Variants in TH observed in about 807,000 individuals in gnomAD.
TH encodes the protein tyrosine hydroxylase.
TH carries 49 observed loss-of-function variants against 57.4 expected under a neutral mutation model. The ratio of observed to expected loss-of-function variants is 0.85; its 90% CI spans 0.68 to 1.08. The LOEUF is 1.08. Among genes scored for constraint, TH ranks in the 50% least tolerant of loss-of-function variants. TH has a pLI of 0.00. For synonymous variants in TH, 330 were observed against 304.5 expected (o/e 1.08, Z -0.87); for missense variants, 720 against 696.7 (o/e 1.03, Z -0.38).
chr11:2,166,192 G>A (rs1031161103), intron 9 of TH, 134 bp from the exon 10 acceptor site: 3 of 1,071,426 alleles, frequency 2.8e-6, no homozygotes, highest in Non-Finnish European at 4.2e-6. Flanking sequence ...TTCCCTGGCC[G>A]CCCAGGATCC....
Position 2,171,085 on chromosome 11 carries a change from GTGAATGAATGAA to G in TH, c.90+600_90+611del, listed in dbSNP as rs59181491. On this transcript the variant is annotated intron_variant, in intron 1 of 12. Transcript: ENST00000352909. The surrounding 1 kb of genome is among the most constrained non-coding windows in gnomAD (Gnocchi z 8.6). ...GGTCACAGGGAACACAGACTCCATG[GTGAATGAATGAA>G]TGAATGAATGAATGAATGAGGGAAA... 2.1e-5 allele frequency among the ~76,000 whole-genome samples: 3 copies of G among 140,788 alleles called. No individual in the cohort carries two copies. Among genetic ancestry groups the G allele is most frequent in the Non-Finnish European group, 3.2e-5 (2 of 61,842 alleles). 92.4% of individuals were successfully genotyped at this position (140,788 alleles called of 152,430 possible).
chr11:2,170,783 T>G lies in TH; in HGVS notation c.91-912A>C. 1.0e-6 allele frequency: 1 copy of G among 997,800 alleles called. No individual in the cohort carries two copies. The highest frequency in any genetic ancestry group is 1.2e-6 in the Non-Finnish European group (1 of 823,424). 61.8% of individuals were successfully genotyped at this position (997,800 alleles called of 1,614,324 possible). On this transcript the variant is annotated intron_variant, in intron 1 of 12. Transcript: ENST00000352909. The surrounding 1 kb of genome is among the most constrained non-coding windows in gnomAD (Gnocchi z 6.0). ...GCCCCGGGGCGCCCTGGGGAGGGGA[T>G]GCCTGATGGGGAGCCTGGTGGGGGA...
At chr11:2,165,482 G>T (rs907718024) in intron 11 of TH, 117 bp from the exon 12 acceptor site, 2 of 1,509,512 alleles carry the variant, frequency 1.3e-6, no homozygotes, top group African/African-American at 1.4e-5. Context: ...CATCTCCCCC[G>T]CCGGGCCTTC....
intron 2 of TH, among the ~76,000 whole-genome samples, chr11:2,169,448 G>A (rs1846192239): frequency 6.6e-6 from 1 of 152,118 alleles, no homozygotes; most frequent in South Asian, 2.1e-4. Context: ...CCTAGGGGTG[G>A]GCTCAGGATC....
In TH at chr11:2,168,504, G is replaced by C; in HGVS notation, c.474C>G (p.Pro158=). Residue 158 remains proline, a synonymous_variant, in exon 3 of 13, where the codon CCC becomes CCG. Transcript: ENST00000352909. ...VRQVSEDVRS[P]AGPKVPWFPR... ...AAACCGCCTCACCCTTGGGCCCCGC[G>C]GGGCTGCGCACGTCCTCTGACACCT... is the stretch of plus-strand genomic sequence containing the variant. 3 of 1,612,314 alleles carry C rather than the reference G, an allele frequency of 1.9e-6. No homozygotes were observed. The highest frequency in any genetic ancestry group is 1.1e-5 in the South Asian group (1 of 91,070).
At chr11:2,168,460 G>A (rs1172377250) in intron 3 of TH, 31 bp downstream of exon 3, 2 of 1,611,314 alleles carry the variant, frequency 1.2e-6, no homozygotes, top group Non-Finnish European at 1.7e-6. Flanking sequence ...AAGGTCATTT[G>A]GTGGCCCTCA....
At chr11:2,166,400 C>T (rs1265800058) in intron 9 of TH, 80 bp downstream of exon 9, 2 of 1,498,316 alleles carry the variant, frequency 1.3e-6, no homozygotes, top group African/African-American at 2.8e-5. Flanking sequence ...ACTTCACCCA[C>T]CCGCACATCG....
intron 10 of TH, 45 bp from the exon 11 acceptor site, chr11:2,165,808 C>T (rs751302099): frequency 1.3e-5 from 20 of 1,587,296 alleles, no homozygotes; most frequent in South Asian, 1.1e-4. Context: ...AGCTGCCGCC[C>T]ACCGGGCAGC....
chr11:2,167,877 G>T lies in TH; in HGVS notation c.633C>A (p.Phe211Leu). 6.2e-7 allele frequency: 1 copy of T among 1,607,674 alleles called. No individual in the cohort carries two copies. ...CAGGGGCCCCTCACTGCCTGTACTG[G>T]AAGGCGATCTCAGCAATCAGCTTCC... ...QRRKLIAEIA[F>L]QYRHGDPIPR... The change falls in exon 5 of 13, where the codon TTC (phenylalanine) becomes TTA (leucine). Residue 211 changes from phenylalanine (F) to leucine (L), a missense_variant. Physicochemically the swap from Phe to Leu is conservative, Grantham distance 22. Transcript: ENST00000352909.
chr11:2,166,045 G>A lies in TH; in HGVS notation c.1061C>T (p.Ala354Val), dbSNP rs763039181. The A allele has an allele frequency of 6.4e-6, 10 of 1,557,880 alleles. No homozygotes were observed. Among genetic ancestry groups the A allele is most frequent in the East Asian group, 4.7e-5 (2 of 42,304 alleles). The change falls in exon 10 of 13, where the codon GCG becomes GTG. Residue 354 changes from alanine (A) to valine (V), a missense_variant. Ala to Val is a moderately conservative substitution (Grantham distance 64). Transcript: ENST00000352909. ...FAQFSQDIGL[A>V]SLGASDEEIE... ...TTCCTCATCCGAGGCCCCCAGGGAC[G>A]CCAGGCCAATGTCCTGTGGAGCAGG...
chr11:2,167,567 G>C, intron 5 of TH, 82 bp from the exon 6 acceptor site: 1 of 1,466,182 alleles, frequency 6.8e-7, no homozygotes, highest in Non-Finnish European at 9.3e-7. Context: ...ACTGGGCACA[G>C]GTCCACACCC....
In TH at chr11:2,170,623, A is replaced by G. The variant is rs1846225951; in HGVS notation, c.91-752T>C. On this transcript the variant is annotated intron_variant, in intron 1 of 12. Coordinates refer to ENST00000352909, the MANE Select transcript of TH (RefSeq NM_000360.4). The surrounding 1 kb of genome is among the most constrained non-coding windows in gnomAD (Gnocchi z 6.0). ...TAAGAGAAGAATCAGCTTCATCCTG[A>G]GCTTCCAGGGTTGTGGAACATGAAG... The G allele has an allele frequency of 2.2e-6, 3 of 1,358,128 alleles. No individual in the cohort carries two copies. The highest frequency in any genetic ancestry group is 1.2e-5 in the South Asian group (1 of 80,854). 84.1% of individuals were successfully genotyped at this position (1,358,128 alleles called of 1,614,324 possible). A position where few individuals can be genotyped will look rare whatever the true frequency, so the allele number is the denominator to read the frequency against.
At position 2,167,803 on chromosome 11, in the gene TH, C is replaced by T. The variant is rs1846139826; in HGVS notation, c.644+63G>A. ...TCCTCCCCTTTGTCCTTCCCTCCCA[C>T]CCCCCAGGTCCAGCGTCAGCCTGCA... On this transcript the variant is annotated intron_variant, in intron 5 of 12. Transcript: ENST00000352909. 9 of 1,527,006 alleles carry T rather than the reference C, an allele frequency of 5.9e-6. No individual in the cohort carries two copies. The Admixed American group carries it at 7.7e-5, about 13-fold the overall frequency. 94.6% of individuals were successfully genotyped at this position (1,527,006 alleles called of 1,614,324 possible).
At position 2,164,409 on chromosome 11, in the gene TH, C is replaced by A; in HGVS notation, c.1335-17G>T. On this transcript the variant is annotated splice_polypyrimidine_tract_variant and intron_variant, in intron 12 of 12. Transcript: ENST00000352909. Reference sequence around the variant, plus strand: ...GCATAGCTCCTGGGGAGGAGAGCGGCAGAGCCCTCGTCAACTGGCGGGCAG... The same window carrying A: ...GCATAGCTCCTGGGGAGGAGAGCGGAAGAGCCCTCGTCAACTGGCGGGCAG... The A allele has an allele frequency of 6.5e-7, 1 of 1,540,768 alleles. No individual in the cohort carries two copies.
intron 9 of TH, 125 bp downstream of exon 9, chr11:2,166,355 G>A (rs1846089680): frequency 2.3e-6 from 3 of 1,301,266 alleles, no homozygotes; most frequent in African/African-American, 1.5e-5. Flanking sequence ...TCGGGGCGCC[G>A]AGCCTCCTTG....
At position 2,168,176 on chromosome 11, in the gene TH, G is replaced by A; in HGVS notation, c.491C>T (p.Pro164Leu). 6.2e-7 allele frequency: 1 copy of A among 1,613,416 alleles called. No individual in the cohort carries two copies. The highest frequency in any genetic ancestry group is 1.3e-5 in the African/African-American group (1 of 75,054). ...CTCTGACACTTTTCTTGGGAACCAG[G>A]GGACTTTATGGGTGATGGAGGAAGA... ...DVRSPAGPKV[P>L]WFPRKVSELD... The change falls in exon 4 of 13, where the codon CCC (proline) becomes CTC (leucine). Residue 164 changes from proline to leucine, a missense_variant. Transcript: ENST00000352909.
Position 2,164,131 on chromosome 11 carries a change from G to T in TH, c.*102C>A, listed in dbSNP as rs1846011369. 2 of 1,094,148 alleles carry T rather than the reference G, an allele frequency of 1.8e-6. No homozygotes were observed. The highest frequency in any genetic ancestry group is 3.2e-5 in the East Asian group (1 of 31,744). The allele number at this position is 1,094,148 out of a possible 1,614,324, so 67.8% of individuals were successfully genotyped here. Reference sequence around the variant, plus strand: ...GCAGTGGGAGCCTGGCAGCAGGGAGGGCATGGGGGGCACCCGGGACCCAGC... The same window carrying T: ...GCAGTGGGAGCCTGGCAGCAGGGAGTGCATGGGGGGCACCCGGGACCCAGC... On this transcript the variant is annotated 3_prime_UTR_variant, in exon 13 of 13. Coordinates refer to ENST00000352909, the MANE Select transcript of TH (RefSeq NM_000360.4).
chr11:2,170,445 G>A lies in TH; in HGVS notation c.91-574C>T, dbSNP rs1243652642. 2.6e-5 allele frequency among the ~76,000 whole-genome samples: 4 copies of A among 152,130 alleles called. No individual in the cohort carries two copies. The highest frequency in any genetic ancestry group is 4.1e-4 in the South Asian group (2 of 4,832). On this transcript the variant is annotated intron_variant, in intron 1 of 12. Transcript: ENST00000352909. The surrounding 1 kb of genome is among the most constrained non-coding windows in gnomAD (Gnocchi z 6.0). ...CTGCCTTGTCATCCCTCCACCCTTT[G>A]TCATAGCTCTGGGCGCAGGTGTCTC...
chr11:2,167,510 AG>A (rs1293824280), intron 5 of TH, 25 bp from the exon 6 acceptor site: 1 of 1,552,940 alleles, frequency 6.4e-7, no homozygotes, highest in African/African-American at 1.4e-5. Context: ...AGTGGTCAGC[AG>A]GTCCCCTCGG....
Sources: allele counts gnomAD v4.1 joint callset (sites outside exome capture counted in the v4.1 genomes callset), GRCh38; gene constraint gnomAD v4.1.1; non-coding constraint Gnocchi (gnomAD v3.1); transcripts MANE v1.5; gene names NCBI Gene and HGNC (gene_info 2026-07-23, HGNC 2026-07-21).